The following LIMK1 variants were observed in gnomAD, a reference collection of about 807,000 sequenced individuals.
The protein encoded by LIMK1 is LIM domain kinase 1, also known as LIM motif-containing protein kinase.
Under a neutral mutation model 77.6 loss-of-function variants are expected in LIMK1, and 21 were observed. That is an observed-to-expected ratio of 0.27 (90% CI 0.19 to 0.39). The LOEUF is 0.39. Ranked by LOEUF, LIMK1 falls within the 10% of genes least tolerant of loss-of-function variation. The pLI is 1.00. For synonymous variants in LIMK1, 358 were observed against 370.0 expected, an observed-to-expected ratio of 0.97 and a Z score of 0.37; for missense variants, 696 against 901.6, an observed-to-expected ratio of 0.77 and a Z score of 2.92.
At chr7:74,093,327 T>G in intron 2 of LIMK1, 1 of 1,535,748 alleles carries the variant, frequency 6.5e-7, no homozygotes, top group South Asian at 1.2e-5. Context: ...TCCCTACTTG[T>G]CCTGGGCTCC....
intron 12 of LIMK1, 63 bp downstream of exon 12, chr7:74,112,061 C>A: frequency 7.6e-7 from 1 of 1,309,704 alleles, no homozygotes; most frequent in African/African-American, 1.5e-5. Context: ...CCAACCCCAG[C>A]CTCAGGGCCT....
chr7:74,084,042 GA>G lies in LIMK1; in HGVS notation c.54del (p.Gly19GlufsTer23). The G allele has an allele frequency of 6.7e-7, 1 of 1,494,988 alleles. No individual in the cohort carries two copies. Among genetic ancestry groups the G allele is most frequent in the South Asian group, 1.3e-5 (1 of 78,490 alleles). The allele number at this position is 1,494,988 out of a possible 1,614,324, so 92.6% of individuals were successfully genotyped here. ...CTWREERMGE[E>X]GSELPVCASC... ...CTGGAGGGAAGAACGTATGGGAGAG[GA>G]AGGTGCGCGGGCCGCGGGGTGTGGG... On this transcript the variant is annotated frameshift_variant and splice_region_variant, in exon 1 of 16. Transcript: ENST00000336180. LOFTEE classifies it high-confidence loss of function.
chr7:74,110,876 G>A (rs1799684873), intron 10 of LIMK1: 1 of 152,224 alleles, frequency 6.6e-6, no homozygotes, highest in South Asian at 2.1e-4. Flanking sequence ...TTTCTCAGAG[G>A]AGGCAGATTG....
chr7:74,091,802 C>T (rs995664208), intron 2 of LIMK1, among the ~76,000 whole-genome samples: 1 of 151,816 alleles, frequency 6.6e-6, no homozygotes, highest in Admixed American at 6.6e-5. Flanking sequence ...TAGAGGATGT[C>T]GGGGGTAGGG....
intron 2 of LIMK1, chr7:74,093,313 C>A (rs887559752): frequency 3.9e-6 from 6 of 1,535,824 alleles, no homozygotes; most frequent in Non-Finnish European, 5.2e-6. Flanking sequence ...AGTGGGAATC[C>A]CCCTCCCTAC....
intron 7 of LIMK1, 38 bp from the exon 8 acceptor site, chr7:74,106,972 G>T: frequency 6.6e-7 from 1 of 1,515,508 alleles, no homozygotes. Flanking sequence ...GGTGCTACCT[G>T]TCCCCCGGTG....
At chr7:74,107,322 T>A (rs1384076911) in intron 8 of LIMK1, 129 bp downstream of exon 8, 1 of 959,178 alleles carries the variant, frequency 1.0e-6, no homozygotes, top group Non-Finnish European at 1.5e-6. Context: ...TGCCCTCTCC[T>A]CCCTTGGCCT....
At chr7:74,088,694 C>T (rs868916443) in intron 2 of LIMK1, among the ~76,000 whole-genome samples, 10 of 149,684 alleles carry the variant, frequency 6.7e-5, no homozygotes, top group Admixed American at 4.1e-4. Context: ...CCAAGCTACT[C>T]GGGAGGCTAA....
chr7:74,114,654 G>A (rs914107749), intron 12 of LIMK1, among the ~76,000 whole-genome samples: 13 of 151,430 alleles, frequency 8.6e-5, no homozygotes, highest in African/African-American at 3.1e-4. Flanking sequence ...GGTGGCTCAC[G>A]CCTGTAATCC....
chr7:74,090,142 AGGC>A (rs1799210356), intron 2 of LIMK1, among the ~76,000 whole-genome samples: 2 of 152,156 alleles, frequency 1.3e-5, no homozygotes. Context: ...TGGGAGGCCA[AGGC>A]AGGCAGATCA....
intron 12 of LIMK1, among the ~76,000 whole-genome samples, chr7:74,112,735 G>C (rs577350894): frequency 5.3e-5 from 8 of 152,202 alleles, no homozygotes; most frequent in Non-Finnish European, 1.2e-4. Flanking sequence ...TGAAGCAGGA[G>C]AATGGTGTGA....
chr7:74,084,185 C>G (rs1453815506), intron 1 of LIMK1, 140 bp downstream of exon 1: 2 of 339,026 alleles, frequency 5.9e-6, no homozygotes, highest in East Asian at 9.1e-5. Flanking sequence ...AGCCCGCAGG[C>G]CCCTCCCTGT....
intron 5 of LIMK1, 68 bp from the exon 6 acceptor site, chr7:74,105,807 C>T (rs888615930): frequency 6.2e-6 from 7 of 1,127,174 alleles, no homozygotes; most frequent in South Asian, 5.2e-5. Context: ...TGGTGCCCTT[C>T]GCCTTGGTTT....
chr7:74,102,051 T>G (rs1799469791), intron 5 of LIMK1, among the ~76,000 whole-genome samples: 1 of 152,154 alleles, frequency 6.6e-6, no homozygotes, highest in Non-Finnish European at 1.5e-5. Context: ...CTTGAACTCC[T>G]GGGCTCAAGC....
chr7:74,085,677 G>A, intron 1 of LIMK1, 71 bp from the exon 2 acceptor site: 1 of 1,221,776 alleles, frequency 8.2e-7, no homozygotes. Context: ...TGTGGGGTGG[G>A]CAGGGCAAGC....
At chr7:74,120,554 A>G (rs1320354142) in intron 13 of LIMK1, 29 bp from the exon 14 acceptor site, 2 of 1,613,522 alleles carry the variant, frequency 1.2e-6, no homozygotes, top group South Asian at 1.1e-5. Context: ...CCATGTGTTC[A>G]TCTGCTGACA....
At chr7:74,114,088 A>G (rs1799756919) in intron 12 of LIMK1, among the ~76,000 whole-genome samples, 1 of 152,084 alleles carries the variant, frequency 6.6e-6, no homozygotes, top group South Asian at 2.1e-4. Flanking sequence ...CCTCTCTACT[A>G]AAAATACAAA....
intron 12 of LIMK1, among the ~76,000 whole-genome samples, chr7:74,113,948 CCT>C (rs1222398252): frequency 6.6e-6 from 1 of 151,496 alleles, no homozygotes; most frequent in Non-Finnish European, 1.5e-5. Flanking sequence ...AGAGCGAGCC[CCT>C]GTTTTTAAAA....
At chr7:74,088,422 G>A (rs1554694329) in intron 2 of LIMK1, among the ~76,000 whole-genome samples, 6 of 152,156 alleles carry the variant, frequency 3.9e-5, no homozygotes. Context: ...CAGTTCCCTT[G>A]GAAGGAACAG....
Sources: gnomAD v4.1 joint callset for allele counts (sites outside exome capture counted in the v4.1 genomes callset) on GRCh38, gnomAD v4.1.1 for gene constraint, MANE v1.5 for transcripts, NCBI Gene and HGNC (gene_info 2026-07-23, HGNC 2026-07-21) for gene names.